HNF4A: variants seen among roughly 807,000 people sequenced by gnomAD.
The protein encoded by HNF4A is hepatocyte nuclear factor 4 alpha.
HNF4A carries 15 observed loss-of-function variants against 52.4 expected under a neutral mutation model. The observed-to-expected ratio is 0.29, with a 90% confidence interval of 0.19 to 0.44. The LOEUF is 0.44. HNF4A is among the 20% of genes least tolerant of loss of function. The pLI is 1.00. For missense variants in HNF4A, 479 were observed against 647.2 expected (o/e 0.74, Z 2.82); for synonymous variants, 280 against 264.4 (o/e 1.06, Z -0.57).
At position 44,401,252 on chromosome 20, in the gene HNF4A, G is replaced by C; in HGVS notation, c.-121G>C. The C allele has an allele frequency of 6.4e-7, 1 of 1,570,892 alleles. No individual in the cohort carries two copies. Among genetic ancestry groups the C allele is most frequent in the East Asian group, 2.3e-5 (1 of 43,420 alleles). ...AAGACTCCCAGCAGATCTTCCCAGA[G>C]GACGGTTTGAAAGGAAGGCAGAGAG... On this transcript the variant is annotated 5_prime_UTR_variant, in exon 1 of 10. Coordinates refer to ENST00000316099, the MANE Select transcript of HNF4A (RefSeq NM_000457.6).
In HNF4A at chr20:44,432,344, CTTTTTTTTTTTTTTTT is replaced by C. The variant is rs11450239; in HGVS notation, c.*2688_*2703del. ...ATGATATTAGAAAATCTCTCGCTCT[CTTTTTTTTTTTTTTTT>C]TTTTTTTTGGCTACTTGAGTTGTGG... On this transcript the variant is annotated 3_prime_UTR_variant, in exon 10 of 10. Coordinates refer to ENST00000316099, the MANE Select transcript of HNF4A (RefSeq NM_000457.6). The C allele has an allele frequency of 1.7e-5, 1 of 58,950 alleles. No homozygotes were observed. The highest frequency in any genetic ancestry group is 6.2e-5 in the African/African-American group (1 of 16,156). 3.7% of individuals were successfully genotyped at this position (58,950 alleles called of 1,614,324 possible).
Position 44,427,845 on chromosome 20 carries a change from T to C in HNF4A, c.1130-490T>C, listed in dbSNP as rs149848754. Among the ~76,000 whole-genome samples the C allele has an allele frequency of 4.5e-3, 681 of 151,480 alleles. 4 individuals are homozygous for C. The highest frequency in any genetic ancestry group is 0.016 in the African/African-American group (640 of 40,818). ...CAGGTTTGGGGTGGAAAAACATCTC[T>C]GACAGAAGCAACAACGTGAGCAGAA... On this transcript the variant is annotated intron_variant, in intron 8 of 9. Coordinates refer to ENST00000316099, the MANE Select transcript of HNF4A (RefSeq NM_000457.6).
chr20:44,415,893 C>T (rs999330955), intron 5 of HNF4A, among the ~76,000 whole-genome samples: 1 of 152,170 alleles, frequency 6.6e-6, no homozygotes, highest in African/African-American at 2.4e-5. Flanking sequence ...TCCGCCCCTA[C>T]CCTCTCCCCT....
At chr20:44,428,589 G>C in intron 9 of HNF4A, 102 bp downstream of exon 9, 4 of 1,152,448 alleles carry the variant, frequency 3.5e-6, no homozygotes, top group Non-Finnish European at 5.1e-6. Flanking sequence ...GGATGCAACA[G>C]TTTTCTGGGT....
chr20:44,422,088 C>A (rs1238096988), intron 7 of HNF4A, among the ~76,000 whole-genome samples: 1 of 152,022 alleles, frequency 6.6e-6, no homozygotes, highest in Non-Finnish European at 1.5e-5. Context: ...CAAGGTCACA[C>A]AACCGGAAAA....
chr20:44,397,337 G>T (rs1055844292), upstream of HNF4A, among the ~76,000 whole-genome samples: 1 of 152,036 alleles, frequency 6.6e-6, no homozygotes, highest in Non-Finnish European at 1.5e-5. Flanking sequence ...TTGGAGGAAG[G>T]GAATGAAACT....
intron 6 of HNF4A, among the ~76,000 whole-genome samples, chr20:44,419,295 C>A (rs141760142): frequency 1.3e-5 from 2 of 151,812 alleles, no homozygotes; most frequent in African/African-American, 4.9e-5. Flanking sequence ...TTATCCTCAT[C>A]TTATAGATAA....
intron 3 of HNF4A, among the ~76,000 whole-genome samples, chr20:44,412,833 C>G (rs767369694): frequency 1.3e-5 from 2 of 152,134 alleles, no homozygotes; most frequent in Admixed American, 1.3e-4. Flanking sequence ...AGGGAGCCGG[C>G]TGGCAGGGAA....
At chr20:44,372,090 C>T (rs2146208958) in intron 1 of HNF4A, among the ~76,000 whole-genome samples, 1 of 152,308 alleles carries the variant, frequency 6.6e-6, no homozygotes, top group Admixed American at 6.5e-5. Flanking sequence ...TCAGTTACTT[C>T]TCTGGGTATT....
intron 1 of HNF4A, among the ~76,000 whole-genome samples, chr20:44,373,651 A>G (rs1021941201): frequency 2.0e-5 from 3 of 152,128 alleles, no homozygotes; most frequent in African/African-American, 7.2e-5. Flanking sequence ...GGCTGGGAAA[A>G]GGTAAGAGAT....
intron 7 of HNF4A, among the ~76,000 whole-genome samples, chr20:44,421,902 A>T (rs929829276): frequency 6.8e-6 from 1 of 146,958 alleles, no homozygotes; most frequent in African/African-American, 2.5e-5. Context: ...GATATATATT[A>T]TATATAGAGA....
At position 44,428,352 on chromosome 20, in the gene HNF4A, C is replaced by T. The variant is rs761517690; in HGVS notation, c.1147C>T (p.Pro383Ser). ...ACCTGCAGGGTCCCCCAGCGATGCACCCCATGCCCACCACCCCCTGCACCC... is the reference window on the plus strand; with the variant it reads ...ACCTGCAGGGTCCCCCAGCGATGCATCCCATGCCCACCACCCCCTGCACCC... The change falls in exon 9 of 10, where the codon CCC (proline) becomes TCC (serine). Residue 383 changes from proline to serine, a missense_variant. Physicochemically the swap from Pro to Ser is moderately conservative, Grantham distance 74 (BLOSUM62 -1). Transcript: ENST00000316099. 1 of 1,614,090 alleles carries T rather than the reference C, an allele frequency of 6.2e-7. No homozygotes were observed. The highest frequency in any genetic ancestry group is 8.5e-7 in the Non-Finnish European group (1 of 1,180,000).
chr20:44,376,902 C>T (rs2063091246), intron 1 of HNF4A, among the ~76,000 whole-genome samples: 1 of 152,066 alleles, frequency 6.6e-6, no homozygotes, highest in South Asian at 2.1e-4. Flanking sequence ...CCAGACCACT[C>T]ATTTAAAATG....
At chr20:44,390,685 G>GAT (rs1568708611) in intron 1 of HNF4A, 2 of 701,862 alleles carry the variant, frequency 2.8e-6, no homozygotes, top group Admixed American at 4.0e-5. Flanking sequence ...ACCAGGTATG[G>GAT]TCCTGACTCC....
intron 1 of HNF4A, among the ~76,000 whole-genome samples, chr20:44,371,767 G>A (rs540016856): frequency 2.6e-5 from 4 of 152,134 alleles, no homozygotes; most frequent in African/African-American, 4.8e-5. Flanking sequence ...GGAGATTGCC[G>A]TGAGCCAAGA....
chr20:44,376,381 T>C (rs529014102), intron 1 of HNF4A, among the ~76,000 whole-genome samples: 1 of 152,240 alleles, frequency 6.6e-6, no homozygotes, highest in Non-Finnish European at 1.5e-5. Context: ...CCAAATTGTC[T>C]GTCGCTGGTA....
At chr20:44,418,030 C>G (rs2063689974) in intron 5 of HNF4A, among the ~76,000 whole-genome samples, 1 of 151,694 alleles carries the variant, frequency 6.6e-6, no homozygotes, top group Admixed American at 6.6e-5. Flanking sequence ...TTCTCCATAG[C>G]TGGTCCATGG....
chr20:44,429,345 G>T lies in HNF4A; in HGVS notation c.1283-178G>T, dbSNP rs759888932. Among the ~76,000 whole-genome samples, 26 of 146,732 alleles carry T rather than the reference G, an allele frequency of 1.8e-4. No homozygotes were observed. In the Middle Eastern group the frequency reaches 0.021, roughly 118 times the overall value. The stretch of plus-strand genomic sequence containing the variant: ...CTTTATGATCTGGGACTCACAGAAG[G>T]TTGAGCAATAAAAGACCTTAGGGAT... On this transcript the variant is annotated intron_variant, in intron 9 of 9. Coordinates refer to ENST00000316099, the MANE Select transcript of HNF4A (RefSeq NM_000457.6).
chr20:44,385,496 T>G (rs1450029433), intron 1 of HNF4A, among the ~76,000 whole-genome samples: 1 of 152,186 alleles, frequency 6.6e-6, no homozygotes, highest in Non-Finnish European at 1.5e-5. Flanking sequence ...ATTTATGGAC[T>G]CTCACTCTGT....
Sources: gnomAD v4.1 joint callset for allele counts (sites outside exome capture counted in the v4.1 genomes callset) on GRCh38, gnomAD v4.1.1 for gene constraint, MANE v1.5 for transcripts, NCBI Gene and HGNC (gene_info 2026-07-23, HGNC 2026-07-21) for gene names.